The following CTNNA3 variants were observed in gnomAD, a reference collection of about 807,000 sequenced individuals.
The protein encoded by CTNNA3 is catenin alpha 3, also known as catenin alpha-3.
CTNNA3 carries 76 observed loss-of-function variants against 95.7 expected under a neutral mutation model. The ratio of observed to expected loss-of-function variants is 0.79; its 90% CI spans 0.66 to 0.96. CTNNA3 has a LOEUF of 0.96. CTNNA3 is among the 40% of genes least tolerant of loss of function. The pLI is 0.00. For missense variants in CTNNA3, 1,191 were observed against 1,089.8 expected (o/e 1.09, Z -1.31); for synonymous variants, 431 against 374.4 (o/e 1.15, Z -1.74).
intron 7 of CTNNA3, among the ~76,000 whole-genome samples, chr10:67,090,944 T>C (rs1194886348): frequency 6.6e-6 from 1 of 152,076 alleles, no homozygotes; most frequent in Non-Finnish European, 1.5e-5. Context: ...TCAACTGCCT[T>C]AACACTTAGA....
chr10:67,286,686 T>C (rs1386717378), intron 5 of CTNNA3, among the ~76,000 whole-genome samples: 1 of 152,182 alleles, frequency 6.6e-6, no homozygotes, highest in Non-Finnish European at 1.5e-5. Context: ...CCTGTTGTAC[T>C]AAGTAGCAAA....
At chr10:66,354,375 T>C (rs1274593366) in intron 12 of CTNNA3, among the ~76,000 whole-genome samples, 1 of 151,982 alleles carries the variant, frequency 6.6e-6, no homozygotes, top group Non-Finnish European at 1.5e-5. Flanking sequence ...GCACTGGCTC[T>C]TGAAACAACA....
chr10:66,908,850 T>C (rs968562040), intron 7 of CTNNA3, among the ~76,000 whole-genome samples: 1 of 152,150 alleles, frequency 6.6e-6, no homozygotes, highest in Non-Finnish European at 1.5e-5. Flanking sequence ...GTTTATGATA[T>C]GCCAGATTAG....
At chr10:67,475,369 C>T (rs1181635136) in intron 5 of CTNNA3, among the ~76,000 whole-genome samples, 1 of 152,138 alleles carries the variant, frequency 6.6e-6, no homozygotes, top group Non-Finnish European at 1.5e-5. Context: ...ATTTTCAAAA[C>T]TCATAGACCT....
At chr10:66,924,933 T>C (rs1484397654) in intron 7 of CTNNA3, among the ~76,000 whole-genome samples, 1 of 152,212 alleles carries the variant, frequency 6.6e-6, no homozygotes, top group Non-Finnish European at 1.5e-5. Flanking sequence ...AAATCTATGC[T>C]GTTAATCACT....
intron 5 of CTNNA3, among the ~76,000 whole-genome samples, chr10:67,301,359 A>G (rs1399095217): frequency 6.6e-6 from 1 of 152,094 alleles, no homozygotes; most frequent in Non-Finnish European, 1.5e-5. Flanking sequence ...AGATAAGTAT[A>G]GGAGAGAATG....
At chr10:67,632,696 C>A (rs1052028937) in intron 2 of CTNNA3, among the ~76,000 whole-genome samples, 3 of 152,122 alleles carry the variant, frequency 2.0e-5, no homozygotes, top group Non-Finnish European at 4.4e-5. Flanking sequence ...GAGATCCTCT[C>A]GTGAGCCCAC....
At chr10:67,048,382 C>T (rs1358928389) in intron 7 of CTNNA3, among the ~76,000 whole-genome samples, 1 of 152,068 alleles carries the variant, frequency 6.6e-6, no homozygotes, top group Non-Finnish European at 1.5e-5. Context: ...AAATTCCTTA[C>T]ATGATGATCA....
intron 7 of CTNNA3, among the ~76,000 whole-genome samples, chr10:67,178,948 A>C (rs376842702): frequency 1.3e-5 from 2 of 152,108 alleles, no homozygotes; most frequent in East Asian, 3.8e-4. Flanking sequence ...CTTATTAAAG[A>C]AATCTACCTT....
intron 6 of CTNNA3, among the ~76,000 whole-genome samples, chr10:67,218,835 A>G (rs1864511434): frequency 6.6e-6 from 1 of 152,196 alleles, no homozygotes; most frequent in Non-Finnish European, 1.5e-5. Flanking sequence ...GTTCTCCTTC[A>G]GTCTATGTTC....
intron 13 of CTNNA3, among the ~76,000 whole-genome samples, chr10:66,130,426 G>GT (rs201188978): frequency 0.19 from 26,287 of 141,926 alleles, 2,650 homozygotes; most frequent in South Asian, 0.39. Context: ...ATCAGGATCT[G>GT]TTTTTTTTTT....
chr10:65,938,457 T>G (rs922768209), intron 17 of CTNNA3, among the ~76,000 whole-genome samples: 2 of 152,180 alleles, frequency 1.3e-5, no homozygotes, highest in Non-Finnish European at 2.9e-5. Flanking sequence ...TCTATAACCT[T>G]GACACTATTG....
chr10:67,724,914 C>T (rs1202338766), intron 1 of CTNNA3, among the ~76,000 whole-genome samples: 2 of 152,090 alleles, frequency 1.3e-5, no homozygotes, highest in Non-Finnish European at 2.9e-5. Flanking sequence ...TGCCAGTGCT[C>T]ACGTAAGAAT....
intron 15 of CTNNA3, among the ~76,000 whole-genome samples, chr10:66,014,886 C>T (rs1447236888): frequency 2.0e-5 from 3 of 151,976 alleles, no homozygotes; most frequent in Non-Finnish European, 2.9e-5. Context: ...GGGTGGATCA[C>T]GAGGTCAAGA....
At chr10:67,132,446 G>C (rs1182421586) in intron 7 of CTNNA3, among the ~76,000 whole-genome samples, 1 of 152,058 alleles carries the variant, frequency 6.6e-6, no homozygotes, top group Non-Finnish European at 1.5e-5. Flanking sequence ...GGAGATGAAA[G>C]AGAAAGTTAA....
chr10:67,106,984 A>C (rs1858671921), intron 7 of CTNNA3, among the ~76,000 whole-genome samples: 1 of 152,216 alleles, frequency 6.6e-6, no homozygotes, highest in African/African-American at 2.4e-5. Flanking sequence ...TAATACCTGC[A>C]ATCATAAACA....
intron 7 of CTNNA3, among the ~76,000 whole-genome samples, chr10:66,783,270 A>T (rs1003955290): frequency 2.6e-5 from 4 of 152,202 alleles, no homozygotes; most frequent in African/African-American, 9.6e-5. Context: ...ACTCACAGGT[A>T]TCAATATAAA....
intron 5 of CTNNA3, among the ~76,000 whole-genome samples, chr10:67,502,721 G>A (rs940966791): frequency 6.6e-6 from 1 of 152,176 alleles, no homozygotes; most frequent in African/African-American, 2.4e-5. Context: ...GCTGAGCTGT[G>A]GTGGGCTCCA....
intron 7 of CTNNA3, among the ~76,000 whole-genome samples, chr10:66,974,594 A>C (rs1849921535): frequency 1.3e-5 from 2 of 152,212 alleles, no homozygotes; most frequent in African/African-American, 2.4e-5. Flanking sequence ...CTGTTCTTCA[A>C]AGTGGTTATT....
Sources: gnomAD v4.1 joint callset for allele counts (sites outside exome capture counted in the v4.1 genomes callset) on GRCh38, gnomAD v4.1.1 for gene constraint, MANE v1.5 for transcripts, NCBI Gene and HGNC (gene_info 2026-07-23, HGNC 2026-07-21) for gene names.